The following NEIL1 variants were observed in gnomAD, a reference collection of about 807,000 sequenced individuals.
NEIL1 encodes endonuclease 8-like 1.
Under a neutral mutation model 44.2 loss-of-function variants are expected in NEIL1, and 31 were observed. The observed-to-expected ratio is 0.70, with a 90% CI of 0.53 to 0.95. The LOEUF (loss-of-function observed/expected upper bound fraction) is 0.95, where lower values mean the gene tolerates loss of function less well. Ranked by LOEUF, NEIL1 falls within the 40% of genes least tolerant of loss-of-function variation. NEIL1 has a pLI of 0.00. For missense variants in NEIL1, 549 were observed against 515.5 expected, an observed-to-expected ratio of 1.07 and a Z score of -0.63; for synonymous variants, 254 against 209.7, an observed-to-expected ratio of 1.21 and a Z score of -1.83.
rs377647987 is a variant in NEIL1 at position 75,356,197 on chromosome 15, C to G, written c.*1163C>G. On this transcript the variant is annotated 3_prime_UTR_variant, in exon 10 of 10. Coordinates refer to ENST00000355059, the MANE Select transcript of NEIL1 (RefSeq NM_024608.4). The surrounding 1 kb of genome is among the most constrained non-coding windows in gnomAD (Gnocchi z 5.8). ...CTCATACAGCCTCAGGACCAGCGAG[C>G]GGCGCTGGGGGCTGCTCTCCGCCTG... is the stretch of plus-strand genomic sequence containing the variant. The G allele has an allele frequency of 6.2e-7, 1 of 1,613,380 alleles. No individual in the cohort carries two copies. Among genetic ancestry groups the G allele is most frequent in the Non-Finnish European group, 8.5e-7 (1 of 1,179,930 alleles).
chr15:75,354,664 T>C lies in NEIL1; in HGVS notation c.948T>C (p.Pro316=), dbSNP rs766867738. 6.2e-7 allele frequency: 1 copy of C among 1,613,940 alleles called. No homozygotes were observed. The highest frequency in any genetic ancestry group is 8.5e-7 in the Non-Finnish European group (1 of 1,179,956). Residue 316 remains proline (P), a synonymous_variant, in exon 9 of 10, where the codon CCT becomes CCC. Transcript: ENST00000355059. ...TCTCCTCCATCCAGGACGCTTTGCCTCCAAGCAAGGCCCCTTCCAGGACAC... is the reference window on the plus strand; with the variant it reads ...TCTCCTCCATCCAGGACGCTTTGCCCCCAAGCAAGGCCCCTTCCAGGACAC... ...SPEDRVEDAL[P]PSKAPSRTRR... is the part of the protein sequence containing the mutation.
intron 3 of NEIL1, 30 bp downstream of exon 3, chr15:75,352,260 G>A: frequency 6.2e-7 from 1 of 1,614,262 alleles, no homozygotes; most frequent in Non-Finnish European, 8.5e-7. Context: ...CATGGGGACT[G>A]CGGTGGGCCA....
At chr15:75,348,759 T>C (rs2071637907) in intron 1 of NEIL1, 125 bp from the exon 2 acceptor site, 8 of 1,458,118 alleles carry the variant, frequency 5.5e-6, no homozygotes, top group Non-Finnish European at 7.2e-6. Flanking sequence ...GCCCGCACTT[T>C]CCTGCCAGCC....
intron 2 of NEIL1, 102 bp from the exon 3 acceptor site, chr15:75,352,009 A>G: frequency 9.1e-7 from 1 of 1,098,576 alleles, no homozygotes; most frequent in East Asian, 2.4e-5. Context: ...TGTAACTCCC[A>G]GTTTCCTTCC....
In NEIL1 at chr15:75,348,875, CCCCAA is replaced by C; in HGVS notation, c.-22-7_-22-3del. The C allele has an allele frequency of 6.2e-7, 1 of 1,601,858 alleles. No homozygotes were observed. Among genetic ancestry groups the C allele is most frequent in the Non-Finnish European group, 8.5e-7 (1 of 1,175,652 alleles). ...ACCGGGCTCAACCCGCTGCCTTCCT[CCCCAA>C]CAGGACTCTGCCACCCTCCCTCAGG... On this transcript the variant is annotated splice_region_variant and splice_polypyrimidine_tract_variant and intron_variant, in intron 1 of 9. Coordinates refer to ENST00000355059, the MANE Select transcript of NEIL1 (RefSeq NM_024608.4).
intron 2 of NEIL1, chr15:75,351,156 A>G (rs1316070935): frequency 2.3e-6 from 1 of 427,998 alleles, no homozygotes; most frequent in Non-Finnish European, 4.6e-6. Context: ...ACCCACCACA[A>G]ATGCTATACA....
chr15:75,352,110 G>A lies in NEIL1; in HGVS notation c.435-1G>A. 2 of 1,614,170 alleles carry A rather than the reference G, an allele frequency of 1.2e-6. No homozygotes were observed. Among genetic ancestry groups the A allele is most frequent in the Non-Finnish European group, 1.7e-6 (2 of 1,179,990 alleles). ...TACGCACCCAGACCGTGTTCCTCCA[G>A]GGAGAATGTGCTACGAAACCTAGCG... On this transcript the variant is annotated splice_acceptor_variant, in intron 2 of 9. Coordinates refer to ENST00000355059, the MANE Select transcript of NEIL1 (RefSeq NM_024608.4). LOFTEE classifies it high-confidence loss of function.
Position 75,356,081 on chromosome 15 carries a change from C to T in NEIL1, c.*1047C>T. On this transcript the variant is annotated 3_prime_UTR_variant, in exon 10 of 10. Coordinates refer to ENST00000355059, the MANE Select transcript of NEIL1 (RefSeq NM_024608.4). The surrounding 1 kb of genome is among the most constrained non-coding windows in gnomAD (Gnocchi z 5.8). ...AGGCTCTGCGAGGGCGAGACTCGAC[C>T]CCCGCCCCAATCCCACACCGCCACT... 6.2e-7 allele frequency: 1 copy of T among 1,613,566 alleles called. No homozygotes were observed. The highest frequency in any genetic ancestry group is 8.5e-7 in the Non-Finnish European group (1 of 1,179,768).
Position 75,356,679 on chromosome 15 carries a change from C to T in NEIL1, c.*1645C>T. ...CAGTAGCGTCCGGGGCTTTAGGCGCCCGCAAGCTGGGGTGAGGAGGGCGCG... is the reference window on the plus strand; with the variant it reads ...CAGTAGCGTCCGGGGCTTTAGGCGCTCGCAAGCTGGGGTGAGGAGGGCGCG... On this transcript the variant is annotated 3_prime_UTR_variant, in exon 10 of 10. Transcript: ENST00000355059. The surrounding 1 kb of genome is among the most constrained non-coding windows in gnomAD (Gnocchi z 5.8). 2.5e-6 allele frequency: 4 copies of T among 1,594,392 alleles called. No homozygotes were observed. In the South Asian group the frequency reaches 4.5e-5, roughly 18 times the overall value.
rs1045988414 is a variant in NEIL1 at position 75,355,819 on chromosome 15, GAA to G, written c.*788_*789del. On this transcript the variant is annotated 3_prime_UTR_variant, in exon 10 of 10. Transcript: ENST00000355059. ...CCCGATCCAAGGATTTATTCCACAA[GAA>G]AAGACTGATCCCTGCTTTAGGCTGG... 4.5e-5 allele frequency: 66 copies of G among 1,466,650 alleles called. No homozygotes were observed. The highest frequency in any genetic ancestry group is 4.4e-5 in the Non-Finnish European group (47 of 1,076,986). The allele number at this position is 1,466,650 out of a possible 1,614,324, so 90.9% of individuals were successfully genotyped here.
intron 1 of NEIL1, chr15:75,348,423 G>A: frequency 4.0e-6 from 4 of 1,008,472 alleles, no homozygotes; most frequent in Non-Finnish European, 4.7e-6. Context: ...CCTTTCAGAT[G>A]GTGGGAGAGC....
At chr15:75,347,909 G>C in intron 1 of NEIL1, 1 of 1,238,684 alleles carries the variant, frequency 8.1e-7, no homozygotes, top group Non-Finnish European at 1.0e-6. Flanking sequence ...AGGTGTGGAG[G>C]GGGCAAGGTA....
In NEIL1 at chr15:75,356,253, G is replaced by A. The variant is rs1457867601; in HGVS notation, c.*1219G>A. 1 of 1,612,184 alleles carries A rather than the reference G, an allele frequency of 6.2e-7. No homozygotes were observed. The highest frequency in any genetic ancestry group is 8.5e-7 in the Non-Finnish European group (1 of 1,179,342). ...GAACACGTCTGGTGGGAGGGGCCGA[G>A]GGCAGGCCCAGTTCGGAACCCCGTC... is the stretch of plus-strand genomic sequence containing the variant. On this transcript the variant is annotated 3_prime_UTR_variant, in exon 10 of 10. Transcript: ENST00000355059. This position sits in a 1 kb window ranked among gnomAD's most constrained non-coding sequence, Gnocchi z 5.8.
Position 75,356,741 on chromosome 15 carries a change from G to A in NEIL1, c.*1707G>A. 3 of 1,612,434 alleles carry A rather than the reference G, an allele frequency of 1.9e-6. No homozygotes were observed. Among genetic ancestry groups the A allele is most frequent in the Non-Finnish European group, 1.7e-6 (2 of 1,178,914 alleles). ...CTGAAGCTGTTGGAGTTGTGGTCGG[G>A]AAGACCCATTTCTCCATGCCAGCTC... On this transcript the variant is annotated 3_prime_UTR_variant, in exon 10 of 10. Coordinates refer to ENST00000355059, the MANE Select transcript of NEIL1 (RefSeq NM_024608.4). This position sits in a 1 kb window ranked among gnomAD's most constrained non-coding sequence, Gnocchi z 5.8.
intron 1 of NEIL1, 162 bp from the exon 2 acceptor site, chr15:75,348,722 G>A: frequency 3.5e-6 from 5 of 1,435,432 alleles, no homozygotes; most frequent in African/African-American, 1.4e-5. Context: ...GCACCTGTCC[G>A]GGTAGGGGAT....
At chr15:75,348,729 GGATTGAGGGCCGTGGCC>G (rs2071636289) in intron 1 of NEIL1, 138 bp from the exon 2 acceptor site, 1 of 1,438,734 alleles carries the variant, frequency 7.0e-7, no homozygotes, top group African/African-American at 1.4e-5. Flanking sequence ...TCCGGGTAGG[GGATTGAGGGCCGTGGCC>G]AGGCCCGCAC....
At position 75,352,088 on chromosome 15, in the gene NEIL1, GCACC is replaced by G. The variant is rs773740179; in HGVS notation, c.435-20_435-17del. On this transcript the variant is annotated intron_variant, in intron 2 of 9. Coordinates refer to ENST00000355059, the MANE Select transcript of NEIL1 (RefSeq NM_024608.4). ...CATGGAGGGTGGGGATGGGTCTTACGCACCCAGACCGTGTTCCTCCAGGGAGAAT... is the reference window on the plus strand; with the variant it reads ...CATGGAGGGTGGGGATGGGTCTTACGCAGACCGTGTTCCTCCAGGGAGAAT... 6.2e-7 allele frequency: 1 copy of G among 1,613,090 alleles called. No homozygotes were observed. Among genetic ancestry groups the G allele is most frequent in the South Asian group, 1.1e-5 (1 of 90,996 alleles).
At chr15:75,353,708 T>C in intron 5 of NEIL1, 31 bp from the exon 6 acceptor site, 1 of 1,613,634 alleles carries the variant, frequency 6.2e-7, no homozygotes, top group Admixed American at 1.7e-5. Context: ...GAGCCTGCCC[T>C]CTGATCTCTG....
chr15:75,349,223 T>G lies in NEIL1; in HGVS notation c.318T>G (p.Pro106=). Residue 106 remains proline, a synonymous_variant, in exon 2 of 10, where the codon CCT becomes CCG. Transcript: ENST00000355059. ...ACCTGCGCTTTTACACGGCCCCGCC[T>G]GGCCCCCGGCTCGCCCTATGTTTCG... The part of the protein sequence containing the change: ...HAHLRFYTAP[P]GPRLALCFVD... 1 of 1,610,000 alleles carries G rather than the reference T, an allele frequency of 6.2e-7. No homozygotes were observed. Among genetic ancestry groups the G allele is most frequent in the Non-Finnish European group, 8.5e-7 (1 of 1,179,838 alleles).
Sources: allele counts gnomAD v4.1 joint callset, GRCh38; gene constraint gnomAD v4.1.1; non-coding constraint Gnocchi (gnomAD v3.1); transcripts MANE v1.5; gene names NCBI Gene and HGNC (gene_info 2026-07-23, HGNC 2026-07-21).